RBFOX3: variants seen among roughly 807,000 people sequenced by gnomAD.
RBFOX3 encodes the protein RNA binding fox-1 homolog 3.
In RBFOX3, 17 loss-of-function variants were observed where a neutral mutation model predicts 48.7. The ratio of observed to expected loss-of-function variants is 0.35; its 90% CI spans 0.24 to 0.52. The LOEUF is 0.52. Among genes scored for constraint, RBFOX3 ranks in the 20% least tolerant of loss-of-function variants. RBFOX3 has a pLI of 0.94. For missense variants in RBFOX3, 382 were observed against 497.5 expected, an observed-to-expected ratio of 0.77 and a Z score of 2.21; for synonymous variants, 212 against 209.5, an observed-to-expected ratio of 1.01 and a Z score of -0.10.
intron 2 of RBFOX3, among the ~76,000 whole-genome samples, chr17:79,442,226 A>AGGGAGG (rs2071091064): frequency 8.3e-5 from 1 of 12,084 alleles, no homozygotes; most frequent in African/African-American, 3.4e-4. Context: ...AGAGAGAGAG[A>AGGGAGG]GAGAGAGAGA....
chr17:79,551,300 A>G (rs2091121002), intron 1 of RBFOX3, among the ~76,000 whole-genome samples: 1 of 152,140 alleles, frequency 6.6e-6, no homozygotes, highest in African/African-American at 2.4e-5. Context: ...AGGGGCTAGG[A>G]AAATGCTTTT....
intron 1 of RBFOX3, among the ~76,000 whole-genome samples, chr17:79,554,153 T>G (rs1392607274): frequency 6.6e-6 from 1 of 152,260 alleles, no homozygotes; most frequent in Non-Finnish European, 1.5e-5. Context: ...ATTATATTAG[T>G]TCATTAATGG....
intron 2 of RBFOX3, among the ~76,000 whole-genome samples, chr17:79,431,466 AC>A (rs1417112778): frequency 1.5e-5 from 2 of 133,656 alleles, no homozygotes; most frequent in African/African-American, 2.8e-5. Flanking sequence ...GGTGCCCCCC[AC>A]CCCCCACCAT....
chr17:79,280,150 T>TAC (rs2069939468), intron 3 of RBFOX3, among the ~76,000 whole-genome samples: 1 of 107,516 alleles, frequency 9.3e-6, no homozygotes, highest in African/African-American at 3.9e-5. Flanking sequence ...CACATGTGCG[T>TAC]GCACACACAC....
intron 4 of RBFOX3, among the ~76,000 whole-genome samples, chr17:79,196,659 G>A (rs537467803): frequency 1.3e-5 from 2 of 152,294 alleles, no homozygotes; most frequent in South Asian, 2.1e-4. Flanking sequence ...CGGATGGACT[G>A]CACTTGCCCT....
At chr17:79,272,872 G>T (rs1263036763) in intron 3 of RBFOX3, among the ~76,000 whole-genome samples, 1 of 152,094 alleles carries the variant, frequency 6.6e-6, no homozygotes. Flanking sequence ...TTGTCTTCCC[G>T]ATGTGCCAGC....
intron 1 of RBFOX3, among the ~76,000 whole-genome samples, chr17:79,547,835 C>T (rs2090663070): frequency 7.0e-6 from 1 of 142,586 alleles, no homozygotes; most frequent in African/African-American, 3.1e-5. Flanking sequence ...GCTGTACTCG[C>T]ACCCACACCG....
rs2074945655 is a variant in RBFOX3, at chr17:79,299,354, C to G, written c.-74+8370G>C. On this transcript the variant is annotated intron_variant, in intron 3 of 14. Coordinates refer to ENST00000693108, the MANE Select transcript of RBFOX3 (RefSeq NM_001350451.2). The surrounding 1 kb of genome is among the most constrained non-coding windows in gnomAD (Gnocchi z 4.5). Reference sequence around the variant, plus strand: ...AAAATGGGACTGTACAGGCAGTCCTCTGGATCTTAGAGTTCTGCATCCATG... The same window carrying G: ...AAAATGGGACTGTACAGGCAGTCCTGTGGATCTTAGAGTTCTGCATCCATG... Among the ~76,000 whole-genome samples the G allele has an allele frequency of 6.6e-6, 1 of 152,108 alleles. No homozygotes were observed. Among genetic ancestry groups the G allele is most frequent in the Non-Finnish European group, 1.5e-5 (1 of 68,026 alleles).
chr17:79,092,008 T>A, intron 14 of RBFOX3: 2 of 985,458 alleles, frequency 2.0e-6, no homozygotes, highest in Non-Finnish European at 2.4e-6. Flanking sequence ...GGAGGGGCAG[T>A]GGCTACTCCT....
At chr17:79,497,336 C>T (rs1019381149) in intron 1 of RBFOX3, among the ~76,000 whole-genome samples, 3 of 152,262 alleles carry the variant, frequency 2.0e-5, no homozygotes, top group Non-Finnish European at 2.9e-5. Flanking sequence ...ACTCCTGGAC[C>T]GAAAACAGAT....
the RBFOX3 span, among the ~76,000 whole-genome samples, chr17:79,631,660 C>T: frequency 6.6e-6 from 1 of 152,186 alleles, no homozygotes; most frequent in Non-Finnish European, 1.5e-5. Flanking sequence ...ACCGCAGTGT[C>T]TCAGGAATTC....
At chr17:79,110,761 A>G (rs2030993359) in intron 5 of RBFOX3, among the ~76,000 whole-genome samples, 1 of 152,114 alleles carries the variant, frequency 6.6e-6, no homozygotes, top group Admixed American at 6.5e-5. Flanking sequence ...GCATTTGAAG[A>G]ACACAGGATT....
the RBFOX3 span, among the ~76,000 whole-genome samples, chr17:79,639,420 C>T: frequency 3.3e-5 from 5 of 152,150 alleles, no homozygotes; most frequent in African/African-American, 1.2e-4. Context: ...TCGTGATCTG[C>T]CTACCTTGGC....
chr17:79,380,391 T>C (rs2059755920), intron 2 of RBFOX3, among the ~76,000 whole-genome samples: 1 of 152,274 alleles, frequency 6.6e-6, no homozygotes, highest in African/African-American at 2.4e-5. Context: ...CCAAGGCTCT[T>C]GTGAAGGTGG....
rs1287424711 is a variant in RBFOX3, at chr17:79,242,389, A to AAAATTATAAAATTTTTTAT, written c.-73-6603_-73-6585dup. Among the ~76,000 whole-genome samples, 1 of 152,184 alleles carries AAAATTATAAAATTTTTTAT rather than the reference A, an allele frequency of 6.6e-6. No individual in the cohort carries two copies. Among genetic ancestry groups the AAAATTATAAAATTTTTTAT allele is most frequent in the Non-Finnish European group, 1.5e-5 (1 of 68,032 alleles). ...AGGGTGCAATTTTATAAATCACTAT[A>AAAATTATAAAATTTTTTAT]AAATTATAAAATTTTTTATAAATTA... On this transcript the variant is annotated intron_variant, in intron 3 of 14. Transcript: ENST00000693108. This position sits in a 1 kb window ranked among gnomAD's most constrained non-coding sequence, Gnocchi z 5.8.
intron 4 of RBFOX3, among the ~76,000 whole-genome samples, chr17:79,225,831 T>C (rs9902414): frequency 0.2 from 30,099 of 152,192 alleles, 3,874 homozygotes; most frequent in African/African-American, 0.37. Context: ...ACCAAACAGG[T>C]TAACCTTCCT....
chr17:79,190,561 C>T (rs762164902), intron 4 of RBFOX3, among the ~76,000 whole-genome samples: 8 of 152,178 alleles, frequency 5.3e-5, no homozygotes, highest in Non-Finnish European at 7.3e-5. Context: ...TTCAGAGACA[C>T]GTGCTCTCTT....
intron 4 of RBFOX3, among the ~76,000 whole-genome samples, chr17:79,174,810 C>T (rs1018152220): frequency 2.6e-5 from 4 of 152,262 alleles, no homozygotes; most frequent in South Asian, 4.1e-4. Flanking sequence ...GAGCAGGTGA[C>T]GTTTGTCTAA....
chr17:79,269,510 T>C (rs2067294386), intron 3 of RBFOX3, among the ~76,000 whole-genome samples: 1 of 152,052 alleles, frequency 6.6e-6, no homozygotes, highest in Non-Finnish European at 1.5e-5. Context: ...AATTCCCCCC[T>C]TGAGGATCAC....
Sources: allele counts gnomAD v4.1 joint callset (sites outside exome capture counted in the v4.1 genomes callset), GRCh38; gene constraint gnomAD v4.1.1; non-coding constraint Gnocchi (gnomAD v3.1); transcripts MANE v1.5; gene names NCBI Gene and HGNC (gene_info 2026-07-23, HGNC 2026-07-21).